Variants in GAREM1 observed in about 807,000 individuals in gnomAD.
The protein encoded by GAREM1 is GRB2-associated and regulator of MAPK protein 1.
GAREM1 carries 26 observed loss-of-function variants against 71.3 expected under a neutral mutation model. That is an observed-to-expected ratio of 0.36 (90% CI 0.27 to 0.51). GAREM1 has a LOEUF of 0.51. GAREM1 is among the 20% of genes least tolerant of loss of function. The pLI is 0.95. For synonymous variants in GAREM1, 440 were observed against 433.2 expected (o/e 1.02, Z -0.20); for missense variants, 1,026 against 1,103.1 (o/e 0.93, Z 0.99).
At chr18:32,290,758 A>C (rs1023144949) in intron 3 of GAREM1, among the ~76,000 whole-genome samples, 1 of 152,172 alleles carries the variant, frequency 6.6e-6, no homozygotes, top group Non-Finnish European at 1.5e-5. Flanking sequence ...CCTCTAAGAG[A>C]AATGCCAATT....
chr18:32,376,221 G>A lies in GAREM1; in HGVS notation c.262+16674C>T, dbSNP rs114856204. Among the ~76,000 whole-genome samples the A allele has an allele frequency of 1.3e-3, 192 of 152,314 alleles. 1 individual carries two copies. The highest frequency in any genetic ancestry group is 4.4e-3 in the African/African-American group (184 of 41,572). On this transcript the variant is annotated intron_variant, in intron 2 of 5. Coordinates refer to ENST00000269209, the MANE Select transcript of GAREM1 (RefSeq NM_001242409.2). Reference sequence around the variant, plus strand: ...AGTAAAGAATCACTTGTCTTACTGAGTAAGTGATGCATTGACGTCTCAAGA... The same window carrying A: ...AGTAAAGAATCACTTGTCTTACTGAATAAGTGATGCATTGACGTCTCAAGA...
intron 1 of GAREM1, among the ~76,000 whole-genome samples, chr18:32,451,156 A>C (rs1028864100): frequency 2.6e-5 from 4 of 152,074 alleles, no homozygotes; most frequent in Non-Finnish European, 5.9e-5. Flanking sequence ...GTCTCAAACA[A>C]AAACAAGAAT....
At chr18:32,327,926 A>G (rs1212170589) in intron 2 of GAREM1, among the ~76,000 whole-genome samples, 1 of 152,186 alleles carries the variant, frequency 6.6e-6, no homozygotes, top group African/African-American at 2.4e-5. Flanking sequence ...GAGGCCATAT[A>G]GGTACAATGC....
rs367896337 is a variant in GAREM1 at position 32,283,185 on chromosome 18, T to C, written c.1566+3846A>G. 2.3e-4 allele frequency among the ~76,000 whole-genome samples: 35 copies of C among 152,376 alleles called. 1 individual carries two copies. Among genetic ancestry groups the C allele is most frequent in the African/African-American group, 8.2e-4 (34 of 41,596 alleles). ...GAACTGTTTACTTTTCCCTGGGACA[T>C]TCCCGTGAGGAAGAGAACGGCCTCT... On this transcript the variant is annotated intron_variant, in intron 4 of 5. Coordinates refer to ENST00000269209, the MANE Select transcript of GAREM1 (RefSeq NM_001242409.2).
In GAREM1 at chr18:32,283,665, T is replaced by C. The variant is rs573745284; in HGVS notation, c.1566+3366A>G. ...ACAAAGATACAAGAGGACTAGAGCA[T>C]CAAATGCAAGTTAATATACAAGATA... On this transcript the variant is annotated intron_variant, in intron 4 of 5. Transcript: ENST00000269209. Among the ~76,000 whole-genome samples, 10 of 152,288 alleles carry C rather than the reference T, an allele frequency of 6.6e-5. No homozygotes were observed. The South Asian group carries it at 1.9e-3, about 28-fold the overall frequency.
At chr18:32,271,869 A>C (rs186831496) in intron 4 of GAREM1, among the ~76,000 whole-genome samples, 4 of 152,296 alleles carry the variant, frequency 2.6e-5, no homozygotes, top group Non-Finnish European at 5.9e-5. Flanking sequence ...TTTTTCATGT[A>C]CTTCTACGTG....
chr18:32,396,912 T>C (rs112095068), intron 1 of GAREM1, among the ~76,000 whole-genome samples: 13,266 of 152,128 alleles, frequency 0.087, 654 homozygotes, highest in African/African-American at 0.13. Flanking sequence ...GAGAGAAAGG[T>C]CGGGTTATCC....
At chr18:32,334,561 C>T (rs1378283914) in intron 2 of GAREM1, among the ~76,000 whole-genome samples, 2 of 152,146 alleles carry the variant, frequency 1.3e-5, no homozygotes, top group African/African-American at 2.4e-5. Context: ...ATATTTCCCC[C>T]GAGTGGGGTT....
At chr18:32,350,756 A>C (rs2047741347) in intron 2 of GAREM1, among the ~76,000 whole-genome samples, 1 of 152,202 alleles carries the variant, frequency 6.6e-6, no homozygotes, top group Non-Finnish European at 1.5e-5. Context: ...CTGTAGAAAC[A>C]AACAACCAAG....
intron 1 of GAREM1, among the ~76,000 whole-genome samples, chr18:32,463,443 C>T (rs1308407326): frequency 6.6e-6 from 1 of 151,936 alleles, no homozygotes; most frequent in Non-Finnish European, 1.5e-5. Flanking sequence ...CTGCCTGCTA[C>T]AATGTCCTCT....
chr18:32,440,245 A>C (rs2144272687), intron 1 of GAREM1, among the ~76,000 whole-genome samples: 1 of 152,326 alleles, frequency 6.6e-6, no homozygotes, highest in South Asian at 2.1e-4. Flanking sequence ...TTAGCTGAAG[A>C]AAGTGAGGTA....
Position 32,377,519 on chromosome 18 carries a change from C to T in GAREM1, c.262+15376G>A, listed in dbSNP as rs187876480. The stretch of plus-strand genomic sequence containing the variant: ...TCCCTCTAAATGGCCACATGCTCCA[C>T]GGCTGCCATATGGGAAACTCACCAG... On this transcript the variant is annotated intron_variant, in intron 2 of 5. Transcript: ENST00000269209. Among the ~76,000 whole-genome samples the T allele has an allele frequency of 4.0e-4, 61 of 152,292 alleles. 1 individual carries two copies. The Middle Eastern group carries it at 0.014, about 34-fold the overall frequency.
intron 2 of GAREM1, among the ~76,000 whole-genome samples, chr18:32,350,075 TAAAAG>T (rs1227290037): frequency 6.6e-6 from 1 of 152,198 alleles, no homozygotes; most frequent in Non-Finnish European, 1.5e-5. Context: ...CAGAAATGGT[TAAAAG>T]AAAAGGAACA....
intron 2 of GAREM1, among the ~76,000 whole-genome samples, chr18:32,373,807 T>C (rs1327806858): frequency 2.6e-5 from 4 of 152,226 alleles, no homozygotes; most frequent in African/African-American, 9.6e-5. Context: ...ATGGTGTCAA[T>C]GTACCAGAAG....
chr18:32,397,702 A>G (rs535673308), intron 1 of GAREM1, among the ~76,000 whole-genome samples: 2 of 152,306 alleles, frequency 1.3e-5, no homozygotes, highest in African/African-American at 4.8e-5. Flanking sequence ...CACAATAATA[A>G]TGGGAGACTT....
At chr18:32,461,577 C>G (rs2144312333) in intron 1 of GAREM1, among the ~76,000 whole-genome samples, 1 of 152,140 alleles carries the variant, frequency 6.6e-6, no homozygotes, top group South Asian at 2.1e-4. Context: ...TGCCTGTAGT[C>G]CCAGTTACTC....
At chr18:32,293,083 A>T (rs1874245943) in intron 3 of GAREM1, among the ~76,000 whole-genome samples, 1 of 152,086 alleles carries the variant, frequency 6.6e-6, no homozygotes, top group South Asian at 2.1e-4. Flanking sequence ...TTGAAATTAG[A>T]GGTATCTGTA....
At chr18:32,304,562 C>T (rs1422569695) in intron 3 of GAREM1, among the ~76,000 whole-genome samples, 1 of 152,178 alleles carries the variant, frequency 6.6e-6, no homozygotes, top group Non-Finnish European at 1.5e-5. Context: ...AATACATAAA[C>T]ACATAGACAT....
chr18:32,371,241 T>C (rs1426155898), intron 2 of GAREM1, among the ~76,000 whole-genome samples: 4 of 152,136 alleles, frequency 2.6e-5, no homozygotes, highest in Admixed American at 6.5e-5. Context: ...TACTTGGTCA[T>C]ACTGGGGAGC....
Sources: gnomAD v4.1 joint callset for allele counts (sites outside exome capture counted in the v4.1 genomes callset) on GRCh38, gnomAD v4.1.1 for gene constraint, MANE v1.5 for transcripts, NCBI Gene and HGNC (gene_info 2026-07-23, HGNC 2026-07-21) for gene names.